ANKRD30B: variants seen among roughly 807,000 people sequenced by gnomAD.
The protein encoded by ANKRD30B is ankyrin repeat domain 30B.
Under a neutral mutation model 202.2 loss-of-function variants are expected in ANKRD30B, and 144 were observed. The ratio of observed to expected loss-of-function variants is 0.71; its 90% CI spans 0.62 to 0.82. ANKRD30B has a LOEUF of 0.82. ANKRD30B is among the 40% of genes least tolerant of loss of function. The pLI is 0.00. For missense variants in ANKRD30B, 1,487 were observed against 1,669.1 expected (o/e 0.89, Z 1.90); for synonymous variants, 508 against 561.3 (o/e 0.91, Z 1.34).
intron 9 of ANKRD30B, among the ~76,000 whole-genome samples, chr18:14,773,523 A>C (rs919608303): frequency 7.2e-5 from 11 of 152,246 alleles, no homozygotes; most frequent in African/African-American, 2.4e-4. Context: ...TTTAGAATGC[A>C]TAAATTCATG....
chr18:14,860,050 G>A, the ANKRD30B span, among the ~76,000 whole-genome samples: 2,077 of 138,144 alleles, frequency 0.015, 50 homozygotes, highest in African/African-American at 0.054. Flanking sequence ...CAGGGTGGCC[G>A]GGCAGAGGCG....
At position 14,772,156 on chromosome 18, in the gene ANKRD30B, T is replaced by C; in HGVS notation, c.1257T>C (p.Ser419=). ...VDVSSVEPIF[S]LFGTRTIENS... is the part of the protein sequence containing the mutation. ...TATGTTGTATCATTTTTCTTTAAAGTCTTTTTGGCACACGGACTATTGAAA... is the reference window on the plus strand; with the variant it reads ...TATGTTGTATCATTTTTCTTTAAAGCCTTTTTGGCACACGGACTATTGAAA... Residue 419 remains serine, a splice_region_variant and synonymous_variant, in exon 9 of 44, where the codon AGT becomes AGC. Coordinates refer to ENST00000690538, the MANE Select transcript of ANKRD30B (RefSeq NM_001367607.2). 6.7e-7 allele frequency: 1 copy of C among 1,491,402 alleles called. No homozygotes were observed. Among genetic ancestry groups the C allele is most frequent in the South Asian group, 1.4e-5 (1 of 72,952 alleles). The allele number at this position is 1,491,402 out of a possible 1,614,324, so 92.4% of individuals were successfully genotyped here.
rs754009564 is a variant in ANKRD30B at position 14,796,384 on chromosome 18, A to G, written c.1896A>G (p.Leu632=). 3 of 1,562,238 alleles carry G rather than the reference A, an allele frequency of 1.9e-6. No individual in the cohort carries two copies. In the East Asian group the frequency reaches 7.2e-5, roughly 37 times the overall value. The part of the protein sequence containing the change: ...GRKVSLPNKA[L]ELKDRETFKA... ...AAGTTTCTCTTCCAAATAAAGCCTT[A>G]GAATTAAAGGACAGAGAAACATTCA... The change falls in exon 18 of 44, where the codon TTA becomes TTG. Residue 632 remains leucine, a synonymous_variant. Transcript: ENST00000690538.
intron 6 of ANKRD30B, among the ~76,000 whole-genome samples, chr18:14,763,318 G>T (rs1398493026): frequency 6.6e-6 from 1 of 152,112 alleles, no homozygotes. Context: ...GGAGGCCAAG[G>T]CAGATGAATT....
chr18:14,851,539 C>G lies in ANKRD30B; in HGVS notation c.3595C>G (p.Leu1199Val), dbSNP rs1409304991. Residue 1199 changes from leucine to valine, a missense_variant, in exon 42 of 44, where the codon CTC (leucine) becomes GTC (valine). Around this residue, in one of 6 missense-constraint regions of ANKRD30B, gnomAD observed 177 missense variants for 216.4 expected, o/e 0.82. Transcript: ENST00000690538. The part of the protein sequence containing the change: ...VSHTHESEND[L>V]FHENCMLKKE... ...TCACACTCATGAAAGTGAAAATGAT[C>G]TCTTTCATGAAAATTGCATGTTGAA... 1 of 1,555,040 alleles carries G rather than the reference C, an allele frequency of 6.4e-7. No individual in the cohort carries two copies. Among genetic ancestry groups the G allele is most frequent in the East Asian group, 2.3e-5 (1 of 44,102 alleles).
chr18:14,920,821 A>T, the ANKRD30B span, among the ~76,000 whole-genome samples: 15 of 152,262 alleles, frequency 9.9e-5, no homozygotes, highest in South Asian at 2.9e-3. Context: ...TGTGGAAAAC[A>T]TTTTGTGTTG....
chr18:14,779,450 G>T (rs1216279103), intron 10 of ANKRD30B, among the ~76,000 whole-genome samples: 1 of 152,136 alleles, frequency 6.6e-6, no homozygotes, highest in Non-Finnish European at 1.5e-5. Flanking sequence ...CAAATATACT[G>T]TCATGGCATA....
intron 3 of ANKRD30B, among the ~76,000 whole-genome samples, 184 bp downstream of exon 3, chr18:14,753,196 C>A (rs1275665443): frequency 6.6e-6 from 1 of 152,114 alleles, no homozygotes; most frequent in Admixed American, 6.5e-5. Context: ...GAGAGTATGG[C>A]TTTTCTGTGC....
rs985458332 is a variant in ANKRD30B, at chr18:14,799,289, A to C, written c.2125A>C (p.Lys709Gln). The C allele has an allele frequency of 1.3e-6, 2 of 1,528,336 alleles. No individual in the cohort carries two copies. The highest frequency in any genetic ancestry group is 2.8e-5 in the African/African-American group (2 of 71,572). The allele number at this position is 1,528,336 out of a possible 1,614,324, so 94.7% of individuals were successfully genotyped here. A position where few individuals can be genotyped will look rare whatever the true frequency, so the allele number is the denominator to read the frequency against. ...AGAATTGAAGGACAGAGAAACATTC[A>C]AAGCAGGTAAATTTTGCAATTTTAA... ...ALELKDRETF[K>Q]AAQMFPSESK... The change falls in exon 22 of 44, where the codon AAA (lysine) becomes CAA (glutamine). Residue 709 changes from lysine (K) to glutamine (Q), a missense_variant. By Grantham distance (53) the Lys-to-Gln change is moderately conservative. This residue lies in a region of ANKRD30B where 889 missense variants were observed against 841.4 expected (regional missense o/e 1.06). Transcript: ENST00000690538.
intron 30 of ANKRD30B, among the ~76,000 whole-genome samples, chr18:14,819,632 T>C (rs1970305559): frequency 6.6e-6 from 1 of 152,066 alleles, no homozygotes; most frequent in African/African-American, 2.4e-5. Context: ...CCTTTCCCCA[T>C]TGCTTGTTTT....
At position 14,748,611 on chromosome 18, in the gene ANKRD30B, C is replaced by A; in HGVS notation, c.192C>A (p.Val64=). 1 of 1,566,322 alleles carries A rather than the reference C, an allele frequency of 6.4e-7. No individual in the cohort carries two copies. Among genetic ancestry groups the A allele is most frequent in the Non-Finnish European group, 8.7e-7 (1 of 1,155,474 alleles). The change falls in exon 1 of 44, where the codon GTC becomes GTA. Residue 64 remains valine (V), a synonymous_variant. Transcript: ENST00000690538. ...AGATGACAGTAGGGAAGAAGCCCGT[C>A]AACCTGAACAAAAGAGATATGAAGA... ...LEKMTVGKKP[V]NLNKRDMKKR... is the part of the protein sequence containing the mutation.
At chr18:14,792,322 G>C (rs1307184993) in intron 16 of ANKRD30B, among the ~76,000 whole-genome samples, 1 of 152,118 alleles carries the variant, frequency 6.6e-6, no homozygotes, top group Non-Finnish European at 1.5e-5. Context: ...AAAGGGTCAG[G>C]AGAAAGCATT....
chr18:14,861,405 T>A, the ANKRD30B span, among the ~76,000 whole-genome samples: 1 of 151,492 alleles, frequency 6.6e-6, no homozygotes, highest in African/African-American at 2.4e-5. Context: ...ACCAACAGGC[T>A]CAAAGTAAAT....
chr18:14,817,933 A>T (rs1185024523), intron 30 of ANKRD30B, among the ~76,000 whole-genome samples: 2 of 152,116 alleles, frequency 1.3e-5, no homozygotes, highest in African/African-American at 2.4e-5. Flanking sequence ...TTGGACATAA[A>T]TTTTTTGTGT....
the ANKRD30B span, among the ~76,000 whole-genome samples, chr18:14,935,261 G>A: frequency 4.6e-4 from 70 of 152,322 alleles, no homozygotes; most frequent in Non-Finnish European, 8.5e-4. Context: ...GTGCTGCTAG[G>A]ACACTTTCCT....
chr18:14,910,152 G>A, the ANKRD30B span: 1 of 151,866 alleles, frequency 6.6e-6, no homozygotes, highest in African/African-American at 2.4e-5. Context: ...TGCATATATT[G>A]CAGAGTGGTG....
chr18:14,811,107 C>T (rs1969889482), intron 28 of ANKRD30B, among the ~76,000 whole-genome samples: 1 of 151,318 alleles, frequency 6.6e-6, no homozygotes, highest in Non-Finnish European at 1.5e-5. Flanking sequence ...GAGACTCCAT[C>T]TCAAAAAGCA....
the ANKRD30B span, among the ~76,000 whole-genome samples, chr18:14,860,347 A>T: frequency 2.3e-5 from 2 of 85,720 alleles, no homozygotes; most frequent in African/African-American, 4.6e-5. Flanking sequence ...CTTCCCAGAC[A>T]GGGCTGCCGG....
the ANKRD30B span, among the ~76,000 whole-genome samples, chr18:14,925,116 T>C: frequency 6.6e-6 from 1 of 152,206 alleles, no homozygotes; most frequent in Non-Finnish European, 1.5e-5. Context: ...AGTGGCTGTT[T>C]CATGCCAGAG....
Sources: allele counts gnomAD v4.1 joint callset (sites outside exome capture counted in the v4.1 genomes callset), GRCh38; gene constraint gnomAD v4.1.1; regional missense constraint gnomAD v4.1.1; transcripts MANE v1.5; gene names NCBI Gene and HGNC (gene_info 2026-07-23, HGNC 2026-07-21).